Variants in RBBP4 observed in about 807,000 individuals in gnomAD.
RBBP4 encodes the protein RB binding protein 4, chromatin remodeling factor, also known as histone-binding protein RBBP4.
A neutral mutation model predicts 57.2 loss-of-function variants in RBBP4; 3 were observed. The observed-to-expected ratio is 0.05, with a 90% confidence interval of 0.02 to 0.14. The LOEUF is 0.14. Ranked by LOEUF, RBBP4 falls within the 10% of genes least tolerant of loss-of-function variation. RBBP4 has a pLI of 1.00. For synonymous variants in RBBP4, 151 were observed against 171.5 expected (o/e 0.88, Z 0.93); for missense variants, 107 against 520.6 (o/e 0.21, Z 7.73).
chr1:32,653,651 T>G (rs1570831175), intron 2 of RBBP4, among the ~76,000 whole-genome samples: 454 of 37,818 alleles, frequency 0.012, 17 homozygotes, highest in African/African-American at 0.035. Flanking sequence ...TTTTTTTTTT[T>G]TTTTTTTTGT....
chr1:32,661,966 A>G (rs1443812565), intron 3 of RBBP4, among the ~76,000 whole-genome samples: 1 of 124,826 alleles, frequency 8.0e-6, no homozygotes, highest in Non-Finnish European at 1.6e-5. Context: ...GCTCACTGCA[A>G]CTTCCGCCTC....
In RBBP4 at chr1:32,683,172, C is replaced by A; in HGVS notation, c.*3467C>A. 1 of 149,824 alleles carries A rather than the reference C, an allele frequency of 6.7e-6. No homozygotes were observed. The highest frequency in any genetic ancestry group is 6.8e-5 in the Admixed American group (1 of 14,792). The allele number at this position is 149,824 out of a possible 1,614,324, so 9.3% of individuals were successfully genotyped here. On this transcript the variant is annotated 3_prime_UTR_variant, in exon 12 of 12. Transcript: ENST00000373493. ...TGGTGCGTGCCTATAATCCCAGCTA[C>A]TTGGGAGGCTGAGGCAGGGGAATCG... is the stretch of plus-strand genomic sequence containing the variant.
At chr1:32,660,279 C>G (rs1020875178) in intron 3 of RBBP4, among the ~76,000 whole-genome samples, 6 of 152,136 alleles carry the variant, frequency 3.9e-5, no homozygotes, top group African/African-American at 1.4e-4. Context: ...TGGAGCCTTG[C>G]TCTGTCACCC....
chr1:32,683,985 C>A lies in RBBP4; in HGVS notation c.*4280C>A, dbSNP rs1406142345. 2.5e-6 allele frequency: 4 copies of A among 1,607,204 alleles called. No homozygotes were observed. In the Admixed American group the frequency reaches 6.7e-5, roughly 27 times the overall value. On this transcript the variant is annotated 3_prime_UTR_variant, in exon 12 of 12. Coordinates refer to ENST00000373493, the MANE Select transcript of RBBP4 (RefSeq NM_005610.3). ...TAGGAAAGCAGTAACAATGCAAACA[C>A]CACTCTTCTCTTCACAAAGATCACC...
At chr1:32,666,676 G>A (rs1429553326) in intron 3 of RBBP4, among the ~76,000 whole-genome samples, 1 of 152,100 alleles carries the variant, frequency 6.6e-6, no homozygotes, top group Non-Finnish European at 1.5e-5. Context: ...ATTAAGATCT[G>A]TTTTTGAAGT....
chr1:32,651,269 C>T lies in RBBP4; in HGVS notation c.-38C>T. ...TGCAGCCTCCCCGCCCCTCCCGCAA[C>T]GCTCGACCCCAGGATTCCCCCGGCT... On this transcript the variant is annotated 5_prime_UTR_variant, in exon 1 of 12. In the 5' UTR this introduces an upstream ATG that the reference lacks. Transcript: ENST00000373493. 4.0e-6 allele frequency: 6 copies of T among 1,505,768 alleles called. No individual in the cohort carries two copies. The highest frequency in any genetic ancestry group is 4.4e-6 in the Non-Finnish European group (5 of 1,127,730). 93.3% of individuals were successfully genotyped at this position (1,505,768 alleles called of 1,614,324 possible).
chr1:32,681,823 C>T lies in RBBP4; in HGVS notation c.*2118C>T, dbSNP rs763191617. 1.2e-5 allele frequency: 19 copies of T among 1,613,972 alleles called. No homozygotes were observed. The highest frequency in any genetic ancestry group is 7.7e-5 in the South Asian group (7 of 91,084). Reference sequence around the variant, plus strand: ...TTTGCTAAGAAGTTTTTTGCTGTTTCCGGGTTACAGATTTGGCCATATATT... The same window carrying T: ...TTTGCTAAGAAGTTTTTTGCTGTTTTCGGGTTACAGATTTGGCCATATATT... On this transcript the variant is annotated 3_prime_UTR_variant, in exon 12 of 12. Transcript: ENST00000373493.
intron 3 of RBBP4, among the ~76,000 whole-genome samples, chr1:32,664,707 T>C (rs1048567256): frequency 6.6e-6 from 1 of 152,108 alleles, no homozygotes; most frequent in Non-Finnish European, 1.5e-5. Flanking sequence ...CGTCTCGGCC[T>C]CCCAAAGTGC....
intron 11 of RBBP4, among the ~76,000 whole-genome samples, chr1:32,677,003 T>C (rs80353608): frequency 0.039 from 5,866 of 152,290 alleles, 230 homozygotes; most frequent in East Asian, 0.11. Context: ...ATCACCTCCA[T>C]TCCAAGTTGT....
intron 11 of RBBP4, among the ~76,000 whole-genome samples, chr1:32,675,515 C>T (rs956917976): frequency 6.6e-6 from 1 of 151,436 alleles, no homozygotes; most frequent in African/African-American, 2.4e-5. Context: ...CACGCCTGTA[C>T]TCCCAGCACT....
At chr1:32,666,244 G>A (rs1648640852) in intron 3 of RBBP4, among the ~76,000 whole-genome samples, 1 of 152,126 alleles carries the variant, frequency 6.6e-6, no homozygotes, top group African/African-American at 2.4e-5. Context: ...CTTCATACAA[G>A]CAATGCAAGA....
chr1:32,681,715 A>G lies in RBBP4; in HGVS notation c.*2010A>G, dbSNP rs1649447844. The G allele has an allele frequency of 1.4e-6, 2 of 1,448,692 alleles. No individual in the cohort carries two copies. The highest frequency in any genetic ancestry group is 1.2e-5 in the South Asian group (1 of 84,818). The allele number at this position is 1,448,692 out of a possible 1,614,324, so 89.7% of individuals were successfully genotyped here. ...TTAAGCAGGTCAGCCAGTATTTGCA[A>G]CTTCCACAGGATGAATTGCTTGCCA... On this transcript the variant is annotated 3_prime_UTR_variant, in exon 12 of 12. Transcript: ENST00000373493.
intron 2 of RBBP4, among the ~76,000 whole-genome samples, chr1:32,653,887 T>C (rs1648020860): frequency 6.6e-6 from 1 of 151,888 alleles, no homozygotes; most frequent in Non-Finnish European, 1.5e-5. Flanking sequence ...CTCAATCTCC[T>C]GACCTCATGA....
Position 32,684,471 on chromosome 1 carries a change from A to G in RBBP4, c.*4766A>G, listed in dbSNP as rs1391447998. ...TTACTTATAAAACACTTTTTTGTTCATTGTTTAATCTTGATAGCAGTATTG... is the reference window on the plus strand; with the variant it reads ...TTACTTATAAAACACTTTTTTGTTCGTTGTTTAATCTTGATAGCAGTATTG... On this transcript the variant is annotated 3_prime_UTR_variant, in exon 12 of 12. Transcript: ENST00000373493. 11 of 1,580,448 alleles carry G rather than the reference A, an allele frequency of 7.0e-6. No individual in the cohort carries two copies. The highest frequency in any genetic ancestry group is 9.5e-6 in the Non-Finnish European group (11 of 1,161,016).
chr1:32,674,586 A>G (rs1486849734), intron 11 of RBBP4, among the ~76,000 whole-genome samples: 1 of 151,954 alleles, frequency 6.6e-6, no homozygotes, highest in Admixed American at 6.6e-5. Context: ...GTAAAGGAAA[A>G]GAATTCAGAA....
intron 3 of RBBP4, 87 bp from the exon 4 acceptor site, chr1:32,668,138 A>G (rs1266218714): frequency 5.4e-6 from 7 of 1,304,384 alleles, no homozygotes; most frequent in Non-Finnish European, 7.3e-6. Context: ...TGCTAAGGAA[A>G]AAAAATCCTT....
At chr1:32,672,275 G>A (rs577211255) in intron 8 of RBBP4, among the ~76,000 whole-genome samples, 175 bp from the exon 9 acceptor site, 16 of 152,034 alleles carry the variant, frequency 1.1e-4, no homozygotes, top group South Asian at 2.1e-4. Context: ...TGAGCCAACC[G>A]CGCCTGCCCA....
chr1:32,684,463 T>C lies in RBBP4; in HGVS notation c.*4758T>C. Reference sequence around the variant, plus strand: ...GTCCACTCTTACTTATAAAACACTTTTTTGTTCATTGTTTAATCTTGATAG... The same window carrying C: ...GTCCACTCTTACTTATAAAACACTTCTTTGTTCATTGTTTAATCTTGATAG... On this transcript the variant is annotated 3_prime_UTR_variant, in exon 12 of 12. Transcript: ENST00000373493. The C allele has an allele frequency of 1.9e-6, 3 of 1,592,030 alleles. No individual in the cohort carries two copies. The South Asian group carries it at 3.4e-5, about 18-fold the overall frequency.
chr1:32,660,603 A>G (rs1219157862), intron 3 of RBBP4, among the ~76,000 whole-genome samples: 2 of 74,300 alleles, frequency 2.7e-5, no homozygotes, highest in Non-Finnish European at 6.7e-5. Context: ...TTTTTTTTTT[A>G]AGAGATGGCA....
Sources: allele counts gnomAD v4.1 joint callset (sites outside exome capture counted in the v4.1 genomes callset), GRCh38; gene constraint gnomAD v4.1.1; transcripts MANE v1.5; gene names NCBI Gene and HGNC (gene_info 2026-07-23, HGNC 2026-07-21).